Variants in DBNL observed in about 807,000 individuals in gnomAD.
The protein encoded by DBNL is drebrin-like protein.
DBNL carries 35 observed loss-of-function variants against 62.2 expected under a neutral mutation model. The observed-to-expected ratio is 0.56, with a 90% CI of 0.43 to 0.75. The LOEUF (loss-of-function observed/expected upper bound fraction) is 0.75, where lower values mean the gene tolerates loss of function less well. Ranked by LOEUF, DBNL falls within the 30% of genes least tolerant of loss-of-function variation. The pLI is 0.00. For missense variants in DBNL, 495 were observed against 578.4 expected, an observed-to-expected ratio of 0.86 and a Z score of 1.48; for synonymous variants, 197 against 218.0, an observed-to-expected ratio of 0.90 and a Z score of 0.85.
intron 1 of DBNL, among the ~76,000 whole-genome samples, chr7:44,049,136 C>T (rs10951754): frequency 0.3 from 45,078 of 151,898 alleles, 7,295 homozygotes; most frequent in African/African-American, 0.43. Context: ...ATTACAGACA[C>T]GAGCCACCCA....
chr7:44,065,158 G>GGGC lies in DBNL; in HGVS notation c.*4248_*4250dup, dbSNP rs745470928. ...AGTAGGGGTGCTTCTCGTCCATCGG[G>GGGC]GGCGGCGGGATGTCGAAGGAGCGCC... On this transcript the variant is annotated 3_prime_UTR_variant, in exon 13 of 13. Coordinates refer to ENST00000448521, the MANE Select transcript of DBNL (RefSeq NM_001014436.3). 1 of 1,614,074 alleles carries GGGC rather than the reference G, an allele frequency of 6.2e-7. No homozygotes were observed. The highest frequency in any genetic ancestry group is 8.5e-7 in the Non-Finnish European group (1 of 1,180,030).
intron 8 of DBNL, 106 bp from the exon 9 acceptor site, chr7:44,058,796 A>T (rs2096142070): frequency 1.5e-6 from 2 of 1,309,834 alleles, no homozygotes; most frequent in Admixed American, 4.0e-5. Context: ...CTGGCCCCAC[A>T]CTCACCTTTG....
At chr7:44,055,629 T>C (rs1176508481) in intron 4 of DBNL, among the ~76,000 whole-genome samples, 1 of 152,238 alleles carries the variant, frequency 6.6e-6, no homozygotes, top group Admixed American at 6.5e-5. Context: ...TAGCCCGTTA[T>C]GGTTTTGGTT....
chr7:44,047,547 G>A (rs1308355552), intron 1 of DBNL, among the ~76,000 whole-genome samples: 1 of 152,204 alleles, frequency 6.6e-6, no homozygotes, highest in Non-Finnish European at 1.5e-5. Context: ...GTACGTTAGT[G>A]TTAGGTGTGT....
At chr7:44,058,526 G>A (rs774078342) in intron 8 of DBNL, 46 bp downstream of exon 8, 46 of 1,607,392 alleles carry the variant, frequency 2.9e-5, no homozygotes, top group African/African-American at 4.0e-5. Context: ...CTGGCCACAC[G>A]CAGAAGTCCC....
At chr7:44,046,896 T>A (rs2096118251) in intron 1 of DBNL, among the ~76,000 whole-genome samples, 1 of 152,218 alleles carries the variant, frequency 6.6e-6, no homozygotes, top group Admixed American at 6.5e-5. Context: ...TACCACACTG[T>A]GGCCACACCT....
chr7:44,056,608 C>G (rs1277632727), intron 4 of DBNL, 149 bp from the exon 5 acceptor site: 16 of 1,151,960 alleles, frequency 1.4e-5, no homozygotes, highest in Non-Finnish European at 1.7e-5. Flanking sequence ...ACTCGTGCCT[C>G]AGTTTTCAGC....
intron 1 of DBNL, among the ~76,000 whole-genome samples, chr7:44,049,717 G>T (rs187919853): frequency 6.6e-6 from 1 of 152,330 alleles, no homozygotes; most frequent in African/African-American, 2.4e-5. Context: ...CTACCCACCA[G>T]GCTTCACTGG....
chr7:44,045,153 GTTC>G (rs1309825465), intron 1 of DBNL, among the ~76,000 whole-genome samples: 1 of 152,212 alleles, frequency 6.6e-6, no homozygotes. Context: ...GCTTCGCCAG[GTTC>G]TTCTTTCCAG....
At chr7:44,056,999 C>G in intron 5 of DBNL, 96 bp downstream of exon 5, 1 of 1,538,018 alleles carries the variant, frequency 6.5e-7, no homozygotes, top group Non-Finnish European at 8.8e-7. Context: ...GCTGGCTGGG[C>G]CCATGCCTGC....
In DBNL at chr7:44,064,797, A is replaced by AGCCCCCGGGACGGAATGTTGG; in HGVS notation, c.*3881_*3882insGCCCCCGGGACGGAATGTTGG. On this transcript the variant is annotated 3_prime_UTR_variant, in exon 13 of 13. Transcript: ENST00000448521. Reference sequence around the variant, plus strand: ...GAGAAGCCAGCTGGGGCTGCTGCCCACCCACCCTGCCCAGGCTCCTGAAGG... The same window carrying AGCCCCCGGGACGGAATGTTGG: ...GAGAAGCCAGCTGGGGCTGCTGCCCAGCCCCCGGGACGGAATGTTGGCCCACCCTGCCCAGGCTCCTGAAGG... 1 of 633,308 alleles carries AGCCCCCGGGACGGAATGTTGG rather than the reference A, an allele frequency of 1.6e-6. No individual in the cohort carries two copies. The highest frequency in any genetic ancestry group is 2.8e-6 in the Non-Finnish European group (1 of 361,386). The allele number at this position is 633,308 out of a possible 1,614,324, so 39.2% of individuals were successfully genotyped here. A position where few individuals can be genotyped will look rare whatever the true frequency, so the allele number is the denominator to read the frequency against.
chr7:44,068,508 C>T lies in DBNL; in HGVS notation c.*7592C>T, dbSNP rs889833335. On this transcript the variant is annotated 3_prime_UTR_variant, in exon 13 of 13. Coordinates refer to ENST00000448521, the MANE Select transcript of DBNL (RefSeq NM_001014436.3). ...GTCAACATTCTGCTTAGGATTTAAA[C>T]AAGGTCCAGAGTCTCAACATAATAT... is the stretch of plus-strand genomic sequence containing the variant. 3 of 152,188 alleles carry T rather than the reference C, an allele frequency of 2.0e-5. No homozygotes were observed. The highest frequency in any genetic ancestry group is 1.9e-4 in the East Asian group (1 of 5,200). 9.4% of individuals were successfully genotyped at this position (152,188 alleles called of 1,614,324 possible).
rs566099669 is a variant in DBNL, at chr7:44,058,938, A to G, written c.790A>G (p.Lys264Glu). The change falls in exon 9 of 13, where the codon AAG becomes GAG. Residue 264 changes from lysine (K) to glutamate (E), a missense_variant. Transcript: ENST00000448521. The part of the protein sequence containing the change: ...AVHPREIFKQ[K>E]ERAMSTTSIS... Reference sequence around the variant, plus strand: ...GCACCCGAGGGAGATTTTCAAGCAGAAGGAGAGGGCCATGTCCACCACCTC... The same window carrying G: ...GCACCCGAGGGAGATTTTCAAGCAGGAGGAGAGGGCCATGTCCACCACCTC... 4 of 1,613,784 alleles carry G rather than the reference A, an allele frequency of 2.5e-6. No individual in the cohort carries two copies. The South Asian group carries it at 4.4e-5, about 18-fold the overall frequency.
chr7:44,052,610 C>CA lies in DBNL; in HGVS notation c.253-240dup, dbSNP rs756096866. 4.9e-3 allele frequency among the ~76,000 whole-genome samples: 537 copies of CA among 109,822 alleles called. 1 individual carries two copies. Among genetic ancestry groups the CA allele is most frequent in the African/African-American group, 0.01 (324 of 31,982 alleles). 72.0% of individuals were successfully genotyped at this position (109,822 alleles called of 152,430 possible). ...GGGCCACAGAGCAAGACTCCATCTC[C>CA]AAAAAAAAAAAAAAAAAGAAAATTC... On this transcript the variant is annotated intron_variant, in intron 3 of 12. Coordinates refer to ENST00000448521, the MANE Select transcript of DBNL (RefSeq NM_001014436.3).
In DBNL at chr7:44,060,846, G is replaced by C; in HGVS notation, c.1223G>C (p.Trp408Ser). 6.2e-7 allele frequency: 1 copy of C among 1,614,110 alleles called. No individual in the cohort carries two copies. The highest frequency in any genetic ancestry group is 8.5e-7 in the Non-Finnish European group (1 of 1,180,012). Residue 408 changes from tryptophan to serine, a missense_variant, in exon 13 of 13, where the codon TGG becomes TCG. Trp to Ser is a radical substitution (Grantham distance 177, BLOSUM62 -3). Coordinates refer to ENST00000448521, the MANE Select transcript of DBNL (RefSeq NM_001014436.3). The surrounding 1 kb of genome is among the most constrained non-coding windows in gnomAD (Gnocchi z 6.3). ...ITGIEVIDEG[W>S]WRGYGPDGHF... ...GGCATCGAGGTGATCGACGAAGGCT[G>C]GTGGCGTGGCTATGGGCCGGATGGC...
chr7:44,065,153 A>T lies in DBNL; in HGVS notation c.*4237A>T, dbSNP rs758933131. On this transcript the variant is annotated 3_prime_UTR_variant, in exon 13 of 13. Transcript: ENST00000448521. Reference sequence around the variant, plus strand: ...GTTGTAGTAGGGGTGCTTCTCGTCCATCGGGGGCGGCGGGATGTCGAAGGA... The same window carrying T: ...GTTGTAGTAGGGGTGCTTCTCGTCCTTCGGGGGCGGCGGGATGTCGAAGGA... The T allele has an allele frequency of 1.2e-6, 2 of 1,614,072 alleles. No homozygotes were observed. Among genetic ancestry groups the T allele is most frequent in the Non-Finnish European group, 1.7e-6 (2 of 1,180,022 alleles).
In DBNL at chr7:44,062,941, A is replaced by G; in HGVS notation, c.*2025A>G. 6.2e-7 allele frequency: 1 copy of G among 1,613,758 alleles called. No individual in the cohort carries two copies. The highest frequency in any genetic ancestry group is 1.6e-4 in the Middle Eastern group (1 of 6,062). On this transcript the variant is annotated 3_prime_UTR_variant, in exon 13 of 13. Coordinates refer to ENST00000448521, the MANE Select transcript of DBNL (RefSeq NM_001014436.3). ...CCTGGTCTGACATCCCTATGCCGGA[A>G]GGAATAGGTGTCCTTAGCCCCTCTG...
rs769809490 is a variant in DBNL, at chr7:44,062,711, G to A, written c.*1795G>A. 5.6e-6 allele frequency: 9 copies of A among 1,593,048 alleles called. No homozygotes were observed. Among genetic ancestry groups the A allele is most frequent in the Non-Finnish European group, 7.7e-6 (9 of 1,163,932 alleles). ...CGGTGTGAGCCTGGCATGCACGGCTGCGCTGGACTCCAGGCTGTTGGGGGA... is the reference window on the plus strand; with the variant it reads ...CGGTGTGAGCCTGGCATGCACGGCTACGCTGGACTCCAGGCTGTTGGGGGA... On this transcript the variant is annotated 3_prime_UTR_variant, in exon 13 of 13. Coordinates refer to ENST00000448521, the MANE Select transcript of DBNL (RefSeq NM_001014436.3).
chr7:44,056,729 CT>C, intron 4 of DBNL, 27 bp from the exon 5 acceptor site: 2 of 1,613,432 alleles, frequency 1.2e-6, no homozygotes, highest in Non-Finnish European at 1.7e-6. Context: ...TTGCAAAGCC[CT>C]TCTTTCAAGT....
Sources: gnomAD v4.1 joint callset for allele counts (sites outside exome capture counted in the v4.1 genomes callset) on GRCh38, gnomAD v4.1.1 for gene constraint, Gnocchi (gnomAD v3.1) non-coding constraint, MANE v1.5 for transcripts, NCBI Gene and HGNC (gene_info 2026-07-23, HGNC 2026-07-21) for gene names.